Variants in TOP3A observed in about 807,000 individuals in gnomAD.
TOP3A encodes the protein DNA topoisomerase III alpha, also known as DNA topoisomerase 3-alpha.
In TOP3A, 64 loss-of-function variants were observed where a neutral mutation model predicts 111.3. The observed-to-expected ratio is 0.57, with a 90% CI of 0.47 to 0.71. The LOEUF (loss-of-function observed/expected upper bound fraction) is 0.71. Ranked by LOEUF, TOP3A falls within the 30% of genes least tolerant of loss-of-function variation. The pLI is 0.00. For missense variants in TOP3A, 1,104 were observed against 1,285.0 expected (o/e 0.86, Z 2.15); for synonymous variants, 484 against 485.1 (o/e 1.00, Z 0.03).
At chr17:18,298,505 G>C (rs1981009191) in intron 9 of TOP3A, among the ~76,000 whole-genome samples, 1 of 150,074 alleles carries the variant, frequency 6.7e-6, no homozygotes, top group South Asian at 2.1e-4. Flanking sequence ...TGCCCCTACT[G>C]GGAAGTGAGG....
chr17:18,286,419 C>T (rs1004520012), intron 13 of TOP3A, among the ~76,000 whole-genome samples: 1 of 151,364 alleles, frequency 6.6e-6, no homozygotes, highest in Non-Finnish European at 1.5e-5. Flanking sequence ...AGGAGGCTGA[C>T]ACAGAAGAAT....
rs1489886374 is a variant in TOP3A at position 18,279,579 on chromosome 17, C to G, written c.2144+957G>C. 7.8e-4 allele frequency among the ~76,000 whole-genome samples: 69 copies of G among 88,028 alleles called. 1 individual carries two copies. Among genetic ancestry groups the G allele is most frequent in the Non-Finnish European group, 2.9e-4 (12 of 41,434 alleles). The allele number at this position is 88,028 out of a possible 152,430, so 57.7% of individuals were successfully genotyped here. A position where few individuals can be genotyped will look rare whatever the true frequency, so the allele number is the denominator to read the frequency against. Reference sequence around the variant, plus strand: ...CCATTTTTTGTATTTTTAGTAGAGACAGTGTCTCACCATGTTAGCCAGGAT... The same window carrying G: ...CCATTTTTTGTATTTTTAGTAGAGAGAGTGTCTCACCATGTTAGCCAGGAT... On this transcript the variant is annotated intron_variant, in intron 17 of 18. Coordinates refer to ENST00000321105, the MANE Select transcript of TOP3A (RefSeq NM_004618.5).
intron 15 of TOP3A, among the ~76,000 whole-genome samples, chr17:18,284,287 C>T (rs1332562584): frequency 6.6e-6 from 1 of 151,788 alleles, no homozygotes; most frequent in Non-Finnish European, 1.5e-5. Flanking sequence ...GCTGGGATTA[C>T]AGGCGTGAGC....
chr17:18,281,280 C>T (rs972387516), intron 16 of TOP3A, among the ~76,000 whole-genome samples: 4 of 152,034 alleles, frequency 2.6e-5, no homozygotes, highest in Non-Finnish European at 4.4e-5. Flanking sequence ...AAAAAAGCCC[C>T]GAACTCCAAT....
At chr17:18,279,297 C>T (rs1006485340) in intron 17 of TOP3A, among the ~76,000 whole-genome samples, 3 of 152,010 alleles carry the variant, frequency 2.0e-5, no homozygotes, top group African/African-American at 7.3e-5. Context: ...CATTCTGTCG[C>T]CCAGGCTGGT....
rs1412056803 is a variant in TOP3A, at chr17:18,272,281, C to A, written c.*2521G>T. On this transcript the variant is annotated 3_prime_UTR_variant, in exon 19 of 19. Coordinates refer to ENST00000321105, the MANE Select transcript of TOP3A (RefSeq NM_004618.5). ...CTATAATACAAGAAAAGGAAAGGAA[C>A]AAGTGTTCACAAGGATATGGAGAAG... Among the ~76,000 whole-genome samples the A allele has an allele frequency of 6.6e-6, 1 of 152,122 alleles. No homozygotes were observed. Among genetic ancestry groups the A allele is most frequent in the African/African-American group, 2.4e-5 (1 of 41,416 alleles).
In TOP3A at chr17:18,306,625, CA is replaced by C. The variant is rs1981595131; in HGVS notation, c.390+265del. On this transcript the variant is annotated intron_variant, in intron 4 of 18. Coordinates refer to ENST00000321105, the MANE Select transcript of TOP3A (RefSeq NM_004618.5). ...TTCATGTGATCCTGCCTTGGCCCCA[CA>C]AATTGCTGGGATTACAGGCATAAAC... 9.0e-6 allele frequency: 3 copies of C among 331,910 alleles called. No homozygotes were observed. The East Asian group carries it at 1.8e-4, about 20-fold the overall frequency. The allele number at this position is 331,910 out of a possible 1,614,324, so 20.6% of individuals were successfully genotyped here.
At chr17:18,281,750 G>A (rs1055338865) in intron 16 of TOP3A, among the ~76,000 whole-genome samples, 9 of 152,138 alleles carry the variant, frequency 5.9e-5, no homozygotes, top group Non-Finnish European at 1.3e-4. Flanking sequence ...AATGATGGCT[G>A]GAGGTGAGGA....
Position 18,277,940 on chromosome 17 carries a change from C to T in TOP3A, c.2562G>A (p.Pro854=), listed in dbSNP as rs762561464. 2.2e-5 allele frequency: 36 copies of T among 1,613,834 alleles called. No individual in the cohort carries two copies. The highest frequency in any genetic ancestry group is 2.8e-5 in the Non-Finnish European group (33 of 1,180,032). ...NFFLWADSPN[P]GAGGPPALAY... is the part of the protein sequence containing the mutation. ...CCAAGGCAGGAGGCCCTCCTGCTCCCGGATTGGGGCTGTCTGCCCACAGGA... is the reference window on the plus strand; with the variant it reads ...CCAAGGCAGGAGGCCCTCCTGCTCCTGGATTGGGGCTGTCTGCCCACAGGA... The change falls in exon 18 of 19, where the codon CCG becomes CCA. Residue 854 remains proline, a synonymous_variant. Transcript: ENST00000321105.
At chr17:18,288,131 T>TTTTATATATATATA (rs143028955) in intron 13 of TOP3A, among the ~76,000 whole-genome samples, 1 of 122,736 alleles carries the variant, frequency 8.1e-6, no homozygotes, top group Non-Finnish European at 1.6e-5. Context: ...CTGTTAATAA[T>TTTTATATATATATA]TATATATATA....
intron 9 of TOP3A, among the ~76,000 whole-genome samples, chr17:18,297,878 C>T (rs1420396942): frequency 1.3e-5 from 2 of 152,142 alleles, no homozygotes; most frequent in African/African-American, 2.4e-5. Flanking sequence ...CTCTGCCCAG[C>T]CGCCCATCGT....
Position 18,305,096 on chromosome 17 carries a change from C to T in TOP3A, c.499+16G>A. 6.2e-7 allele frequency: 1 copy of T among 1,603,280 alleles called. No homozygotes were observed. The highest frequency in any genetic ancestry group is 8.5e-7 in the Non-Finnish European group (1 of 1,170,064). On this transcript the variant is annotated intron_variant, in intron 5 of 18. Coordinates refer to ENST00000321105, the MANE Select transcript of TOP3A (RefSeq NM_004618.5). ...GTTCCAAAGTAGAGAAAGTCAGCAG[C>T]AGCAGCAGCACTTACCAGCCTTACA...
intron 16 of TOP3A, 42 bp downstream of exon 16, chr17:18,282,656 G>T (rs761285458): frequency 1.2e-6 from 2 of 1,611,212 alleles, no homozygotes; most frequent in Admixed American, 1.7e-5. Flanking sequence ...GACACCGCAG[G>T]TGCTGGGGAG....
Position 18,292,697 on chromosome 17 carries a change from G to C in TOP3A, c.1229C>G (p.Ser410Cys). The change falls in exon 11 of 19, where the codon TCT (serine) becomes TGT (cysteine). Residue 410 changes from serine to cysteine, a missense_variant. Coordinates refer to ENST00000321105, the MANE Select transcript of TOP3A (RefSeq NM_004618.5). Reference protein sequence around the residue: ...GGPTPRNGNKSDQAHPPIHPT... With the variant: ...GGPTPRNGNKCDQAHPPIHPT... Reference sequence around the variant, plus strand: ...GTGAATGGGAGGGTGAGCTTGGTCAGACTTGTTCCCATTGCGTGGGGTGGG... The same window carrying C: ...GTGAATGGGAGGGTGAGCTTGGTCACACTTGTTCCCATTGCGTGGGGTGGG... 6.2e-7 allele frequency: 1 copy of C among 1,605,302 alleles called. No individual in the cohort carries two copies. Among genetic ancestry groups the C allele is most frequent in the Non-Finnish European group, 8.5e-7 (1 of 1,173,940 alleles).
intron 3 of TOP3A, 97 bp from the exon 4 acceptor site, chr17:18,307,063 C>A: frequency 1.2e-6 from 1 of 820,322 alleles, no homozygotes; most frequent in African/African-American, 1.7e-5. Flanking sequence ...CATGGTGTAT[C>A]CCCAAAAGAA....
chr17:18,284,264 G>C (rs571122002), intron 15 of TOP3A, among the ~76,000 whole-genome samples: 1 of 151,474 alleles, frequency 6.6e-6, no homozygotes, highest in African/African-American at 2.4e-5. Context: ...TACCCGCCTC[G>C]GCCTCCCAAA....
At chr17:18,285,339 C>G in intron 14 of TOP3A, 32 bp from the exon 15 acceptor site, 2 of 1,613,332 alleles carry the variant, frequency 1.2e-6, no homozygotes, top group Non-Finnish European at 8.5e-7. Flanking sequence ...CAGTGAGGGC[C>G]CACCTGAGAC....
rs1215325082 is a variant in TOP3A, at chr17:18,272,247, C to T, written c.*2555G>A. Among the ~76,000 whole-genome samples, 2 of 152,062 alleles carry T rather than the reference C, an allele frequency of 1.3e-5. No individual in the cohort carries two copies. Among genetic ancestry groups the T allele is most frequent in the African/African-American group, 2.4e-5 (1 of 41,418 alleles). On this transcript the variant is annotated 3_prime_UTR_variant, in exon 19 of 19. Coordinates refer to ENST00000321105, the MANE Select transcript of TOP3A (RefSeq NM_004618.5). ...TCATACCCACTAGGATGACAAAACA[C>T]TAGGATGGCTATAATACAAGAAAAG... is the stretch of plus-strand genomic sequence containing the variant.
At position 18,285,434 on chromosome 17, in the gene TOP3A, CA is replaced by C. The variant is rs770790047; in HGVS notation, c.1683del (p.His563ThrfsTer30). ...TCCACAAGTCCCATGCCCAGGTGCC[CA>C]GGGAGGAACCGCTTGTCTGGGGTGA... is the stretch of plus-strand genomic sequence containing the variant. ...VGLTPDKRFL[P>X]GHLGMGLVEG... is the part of the protein sequence containing the mutation. On this transcript the variant is annotated frameshift_variant, in exon 14 of 19. Transcript: ENST00000321105. LOFTEE classifies it high-confidence loss of function. 1 of 1,614,132 alleles carries C rather than the reference CA, an allele frequency of 6.2e-7. No homozygotes were observed. The highest frequency in any genetic ancestry group is 8.5e-7 in the Non-Finnish European group (1 of 1,180,018).
Sources: allele counts gnomAD v4.1 joint callset (sites outside exome capture counted in the v4.1 genomes callset), GRCh38; gene constraint gnomAD v4.1.1; transcripts MANE v1.5; gene names NCBI Gene and HGNC (gene_info 2026-07-23, HGNC 2026-07-21).